The following VWA3B variants were observed in gnomAD, a reference collection of about 807,000 sequenced individuals.
VWA3B encodes von Willebrand factor A domain containing 3B.
VWA3B carries 138 observed loss-of-function variants against 158.3 expected under a neutral mutation model. The ratio of observed to expected loss-of-function variants is 0.87; its 90% CI spans 0.76 to 1.00. VWA3B has a LOEUF of 1.00. Among genes scored for constraint, VWA3B ranks in the 50% least tolerant of loss-of-function variants. The pLI, the probability that VWA3B is intolerant of heterozygous loss-of-function variation, is 0.00. For missense variants in VWA3B, 1,555 were observed against 1,565.1 expected (o/e 0.99, Z 0.11); for synonymous variants, 596 against 587.3 (o/e 1.01, Z -0.21).
chr2:98,191,978 C>T (rs1461842414), intron 10 of VWA3B, among the ~76,000 whole-genome samples: 1 of 152,184 alleles, frequency 6.6e-6, no homozygotes, highest in African/African-American at 2.4e-5. Context: ...TATTTATATC[C>T]TGTGATGGGA....
In VWA3B at chr2:98,179,562, G is replaced by A. The variant is rs78128722; in HGVS notation, c.1115-1454G>A. Reference sequence around the variant, plus strand: ...CAGGGGAGGCAGCCTCCTAGCCTTCGCGTGTTGATCGCCTCCACCTCATCA... The same window carrying A: ...CAGGGGAGGCAGCCTCCTAGCCTTCACGTGTTGATCGCCTCCACCTCATCA... On this transcript the variant is annotated intron_variant, in intron 8 of 27. Coordinates refer to ENST00000477737, the MANE Select transcript of VWA3B (RefSeq NM_144992.5). Among the ~76,000 whole-genome samples the A allele has an allele frequency of 7.5e-3, 1,137 of 152,214 alleles. 14 individuals are homozygous for A. The highest frequency in any genetic ancestry group is 0.026 in the African/African-American group (1,098 of 41,518).
At chr2:98,247,240 C>T (rs938989696) in intron 19 of VWA3B, among the ~76,000 whole-genome samples, 2 of 151,836 alleles carry the variant, frequency 1.3e-5, no homozygotes, top group African/African-American at 4.8e-5. Flanking sequence ...TCAAGTGATC[C>T]ACCCGCCTCA....
intron 7 of VWA3B, among the ~76,000 whole-genome samples, chr2:98,149,569 G>A (rs1677454154): frequency 6.6e-6 from 1 of 152,178 alleles, no homozygotes; most frequent in Admixed American, 6.5e-5. Flanking sequence ...TACACCTTAT[G>A]CAAACGTTTG....
At chr2:98,100,960 G>T (rs918137454) in intron 2 of VWA3B, among the ~76,000 whole-genome samples, 1 of 152,122 alleles carries the variant, frequency 6.6e-6, no homozygotes, top group African/African-American at 2.4e-5. Context: ...ACAATCACTG[G>T]AAAGTCCTGT....
rs776091745 is a variant in VWA3B at position 98,211,983 on chromosome 2, A to G, written c.1791A>G (p.Lys597=). The change falls in exon 13 of 28, where the codon AAA becomes AAG. Residue 597 remains lysine (K), a synonymous_variant. Transcript: ENST00000477737. ...CCCTGAAAACTGCTTTTGCTGATAA[A>G]GAAACACAGGCAATCTACCTTCTGA... ...LSALKTAFAD[K]ETQAIYLLTD... The G allele has an allele frequency of 5.0e-6, 8 of 1,614,224 alleles. No homozygotes were observed. The Admixed American group carries it at 1.3e-4, about 27-fold the overall frequency.
chr2:98,088,112 G>T (rs1681997198), intron 1 of VWA3B, among the ~76,000 whole-genome samples: 1 of 152,194 alleles, frequency 6.6e-6, no homozygotes, highest in South Asian at 2.1e-4. Context: ...CTGGGGAAGA[G>T]TTGCATCAGG....
chr2:98,195,961 A>G (rs192106315), intron 12 of VWA3B, among the ~76,000 whole-genome samples: 1 of 152,342 alleles, frequency 6.6e-6, no homozygotes, highest in Admixed American at 6.5e-5. Flanking sequence ...TGTCATTTGC[A>G]ACCAAATAAA....
chr2:98,322,980 CCA>C, the VWA3B span, among the ~76,000 whole-genome samples: 15 of 151,430 alleles, frequency 9.9e-5, no homozygotes, highest in South Asian at 2.1e-3. Context: ...CGAAAAACAA[CCA>C]CACACACACA....
chr2:98,313,367 T>C (rs1558789564), downstream of VWA3B: 4 of 151,698 alleles, frequency 2.6e-5, no homozygotes, highest in African/African-American at 7.3e-5. Context: ...AGTGAGGGAA[T>C]TGTTTGAAAC....
intron 23 of VWA3B, among the ~76,000 whole-genome samples, chr2:98,295,649 T>TG (rs11371262): frequency 0.85 from 129,491 of 152,170 alleles, 55,850 homozygotes; most frequent in African/African-American, 0.94. Flanking sequence ...TTCTTCAGCT[T>TG]GCCACCCTTC....
intron 26 of VWA3B, among the ~76,000 whole-genome samples, chr2:98,304,148 G>T (rs1157543643): frequency 1.3e-5 from 2 of 152,184 alleles, no homozygotes; most frequent in African/African-American, 4.8e-5. Flanking sequence ...CCCCTTGCTG[G>T]GAGGTGGGAG....
At chr2:98,268,292 T>G (rs1431734233) in intron 21 of VWA3B, among the ~76,000 whole-genome samples, 1 of 152,040 alleles carries the variant, frequency 6.6e-6, no homozygotes, top group Non-Finnish European at 1.5e-5. Flanking sequence ...AAATCCTCAA[T>G]AAAATACTGG....
At position 98,312,232 on chromosome 2, in the gene VWA3B, T is replaced by C. The variant is rs1266798810; in HGVS notation, c.3768T>C (p.Arg1256=). Residue 1256 remains arginine (R), a synonymous_variant, in exon 28 of 28, where the codon CGT becomes CGC. Coordinates refer to ENST00000477737, the MANE Select transcript of VWA3B (RefSeq NM_144992.5). ...ACCTCCACTTCCCCGCGGCCGGGCGTCTAGGACTCAGCAGCCACGCCATCA... is the reference window on the plus strand; with the variant it reads ...ACCTCCACTTCCCCGCGGCCGGGCGCCTAGGACTCAGCAGCCACGCCATCA... ...TAHLHFPAAG[R]LGLSSHAIIA... is the part of the protein sequence containing the mutation. The C allele has an allele frequency of 2.5e-6, 4 of 1,613,924 alleles. No individual in the cohort carries two copies. The African/African-American group carries it at 4.0e-5, about 16-fold the overall frequency.
chr2:98,258,151 A>G (rs1687272155), intron 21 of VWA3B, among the ~76,000 whole-genome samples: 1 of 151,916 alleles, frequency 6.6e-6, no homozygotes, highest in Non-Finnish European at 1.5e-5. Context: ...CCCTTGTCAA[A>G]AATCATCTGA....
chr2:98,131,027 C>T (rs1052406779), intron 6 of VWA3B, among the ~76,000 whole-genome samples: 2 of 152,132 alleles, frequency 1.3e-5, no homozygotes, highest in African/African-American at 4.8e-5. Flanking sequence ...GAGCCTACTC[C>T]TTCTATCTCA....
At chr2:98,197,852 C>G (rs1033922165) in intron 12 of VWA3B, among the ~76,000 whole-genome samples, 1 of 152,076 alleles carries the variant, frequency 6.6e-6, no homozygotes, top group African/African-American at 2.4e-5. Context: ...TCCACCACTA[C>G]TCCAAGGAAC....
At chr2:98,316,050 A>C (rs1164838385), downstream of VWA3B, among the ~76,000 whole-genome samples, 3 of 152,236 alleles carry the variant, frequency 2.0e-5, no homozygotes, top group Admixed American at 6.5e-5. Context: ...GGAGACACAC[A>C]AGATTAGGTT....
chr2:98,127,355 T>A (rs1363801728), intron 5 of VWA3B, among the ~76,000 whole-genome samples: 2 of 152,206 alleles, frequency 1.3e-5, no homozygotes, highest in East Asian at 3.9e-4. Flanking sequence ...GTTAGGTCAG[T>A]TGCCTGAGGT....
intron 2 of VWA3B, among the ~76,000 whole-genome samples, chr2:98,105,596 CG>C (rs1245698935): frequency 1.3e-5 from 2 of 152,162 alleles, no homozygotes; most frequent in Middle Eastern, 3.4e-3. Flanking sequence ...ATAAGGTTCA[CG>C]TTTTTTTGTA....
Sources: gnomAD v4.1 joint callset for allele counts (sites outside exome capture counted in the v4.1 genomes callset) on GRCh38, gnomAD v4.1.1 for gene constraint, MANE v1.5 for transcripts, NCBI Gene and HGNC (gene_info 2026-07-23, HGNC 2026-07-21) for gene names.